CIC: variants seen among roughly 807,000 people sequenced by gnomAD.
CIC encodes the protein capicua transcriptional repressor.
In CIC, 18 loss-of-function variants were observed where a neutral mutation model predicts 115.7. The observed-to-expected ratio is 0.16, with a 90% CI of 0.11 to 0.23. CIC has a LOEUF of 0.23. CIC is among the 10% of genes least tolerant of loss of function. The pLI is 1.00. For missense variants in CIC, 2,000 were observed against 2,159.3 expected (o/e 0.93, Z 1.46); for synonymous variants, 1,076 against 923.0 (o/e 1.17, Z -3.01).
In CIC at chr19:42,291,687, CACTGGTGAGCCCGCCCTTCTCAGT is replaced by C. The variant is rs1364922642; in HGVS notation, c.5558_5581del (p.Leu1853_Val1860del). ...GGTGGAGGGGCCGGCCAGCCACTGC[CACTGGTGAGCCCGCCCTTCTCAGT>C]ACCTGTGCAGAATGGTGCCCAGCCC... is the stretch of plus-strand genomic sequence containing the variant. On this transcript the variant is annotated inframe_deletion, in exon 12 of 21. Transcript: ENST00000681038. The C allele has an allele frequency of 6.2e-7, 1 of 1,612,950 alleles. No homozygotes were observed. Among genetic ancestry groups the C allele is most frequent in the Non-Finnish European group, 8.5e-7 (1 of 1,180,022 alleles).
chr19:42,277,534 A>G (rs2037031562), intron 2 of CIC, among the ~76,000 whole-genome samples: 1 of 152,200 alleles, frequency 6.6e-6, no homozygotes, highest in Non-Finnish European at 1.5e-5. Flanking sequence ...CGAGCTGTCA[A>G]GAGCCAGGAT....
At position 42,286,800 on chromosome 19, in the gene CIC, G is replaced by A. The variant is rs1347286374; in HGVS notation, c.2824G>A (p.Ala942Thr). Residue 942 changes from alanine (A) to threonine (T), a missense_variant, in exon 3 of 21, where the codon GCT (alanine) becomes ACT (threonine). This residue lies in a region of CIC where 222 missense variants were observed against 247.7 expected (regional missense o/e 0.90). Transcript: ENST00000681038. ...GACGAATGTGGAACCTCGCTCTGTGGCTGTGTTCCCTTGGCACTCCTTAGT... is the reference window on the plus strand; with the variant it reads ...GACGAATGTGGAACCTCGCTCTGTGACTGTGTTCCCTTGGCACTCCTTAGT... ...VWTNVEPRSV[A>T]VFPWHSLVPF... 1.2e-6 allele frequency: 2 copies of A among 1,614,014 alleles called. No homozygotes were observed. Among genetic ancestry groups the A allele is most frequent in the Non-Finnish European group, 1.7e-6 (2 of 1,179,992 alleles).
At position 42,292,117 on chromosome 19, in the gene CIC, C is replaced by A. The variant is rs543847978; in HGVS notation, c.5645C>A (p.Thr1882Lys). Residue 1882 changes from threonine to lysine, a missense_variant, in exon 13 of 21, where the codon ACA (threonine) becomes AAA (lysine). By Grantham distance (78) the Thr-to-Lys change is moderately conservative. Transcript: ENST00000681038. ...CAGCTGACCCCGGTGCCTGTGAGCA[C>A]ACCCAGCGGCCTGGTGCCGCCCCTG... ...IIQLTPVPVS[T>K]PSGLVPPLSP... 85 of 1,614,002 alleles carry A rather than the reference C, an allele frequency of 5.3e-5. 2 individuals are homozygous for A. The East Asian group carries it at 1.1e-3, about 20-fold the overall frequency.
intron 9 of CIC, 111 bp from the exon 10 acceptor site, chr19:42,289,737 A>G (rs538961471): frequency 1.0e-6 from 1 of 980,802 alleles, no homozygotes; most frequent in Admixed American, 2.0e-5. Context: ...GCCTTCCTGG[A>G]CAGCACTCCC....
At position 42,270,797 on chromosome 19, in the gene CIC, G is replaced by A. The variant is rs2036755156; in HGVS notation, c.-10-977G>A. On this transcript the variant is annotated intron_variant, in intron 1 of 20. Coordinates refer to ENST00000681038, the MANE Select transcript of CIC (RefSeq NM_001386298.1). This position sits in a 1 kb window ranked among gnomAD's most constrained non-coding sequence, Gnocchi z 4.1. ...CAGTGGGACAGAGAAACCCTGGGGTGTAGCTCTGTGTCCCACTGTGTGATG... is the reference window on the plus strand; with the variant it reads ...CAGTGGGACAGAGAAACCCTGGGGTATAGCTCTGTGTCCCACTGTGTGATG... Among the ~76,000 whole-genome samples the A allele has an allele frequency of 6.6e-6, 1 of 152,194 alleles. No homozygotes were observed. The highest frequency in any genetic ancestry group is 1.9e-4 in the East Asian group (1 of 5,200).
At chr19:42,278,923 T>G (rs1260019394) in intron 2 of CIC, among the ~76,000 whole-genome samples, 1 of 152,222 alleles carries the variant, frequency 6.6e-6, no homozygotes, top group African/African-American at 2.4e-5. Flanking sequence ...AAGCGGGGGC[T>G]GTATGGACCA....
At position 42,291,120 on chromosome 19, in the gene CIC, G is replaced by T; in HGVS notation, c.5079G>T (p.Gly1693=). 6.2e-7 allele frequency: 1 copy of T among 1,609,638 alleles called. No homozygotes were observed. The highest frequency in any genetic ancestry group is 8.5e-7 in the Non-Finnish European group (1 of 1,176,962). The change falls in exon 11 of 21, where the codon GGG becomes GGT. Residue 1693 remains glycine, a synonymous_variant. Coordinates refer to ENST00000681038, the MANE Select transcript of CIC (RefSeq NM_001386298.1). ...CTGCTGTCCAGTTCATTGCCCAGGG[G>T]GCCCCTGGTGGTGGGACCACTGCGG... ...APPAVQFIAQ[G]APGGGTTAGS... is the part of the protein sequence containing the mutation.
intron 2 of CIC, among the ~76,000 whole-genome samples, chr19:42,275,444 A>AG (rs2036938318): frequency 6.6e-6 from 1 of 152,142 alleles, no homozygotes; most frequent in African/African-American, 2.4e-5. Flanking sequence ...GCCTCCTGGG[A>AG]GGAGGGCGAT....
intron 7 of CIC, 138 bp from the exon 8 acceptor site, chr19:42,288,750 T>G (rs1404521089): frequency 4.1e-4 from 230 of 567,806 alleles, no homozygotes; most frequent in Admixed American, 1.8e-4. Flanking sequence ...TGGGTGGTGG[T>G]TTTTTTTTTT....
Position 42,291,553 on chromosome 19 carries a change from TC to T in CIC, c.5426-3del, listed in dbSNP as rs2038105790. 4.3e-6 allele frequency: 7 copies of T among 1,613,066 alleles called. No homozygotes were observed. The highest frequency in any genetic ancestry group is 5.9e-6 in the Non-Finnish European group (7 of 1,180,002). On this transcript the variant is annotated splice_region_variant and splice_polypyrimidine_tract_variant and intron_variant, in intron 11 of 20. Coordinates refer to ENST00000681038, the MANE Select transcript of CIC (RefSeq NM_001386298.1). The stretch of plus-strand genomic sequence containing the variant: ...CCTTTTCCTTTCTTGCCTCTTAACT[TC>T]CAGCCCAGTCAGTTTCTCCCGTGCA...
intron 2 of CIC, among the ~76,000 whole-genome samples, chr19:42,275,948 C>A (rs753557405): frequency 6.6e-6 from 1 of 152,178 alleles, no homozygotes; most frequent in South Asian, 2.1e-4. Context: ...AAAAGACAGA[C>A]CCCTCCCTAG....
chr19:42,291,766 C>T (rs1770115352), intron 12 of CIC, 21 bp downstream of exon 12: 5 of 1,612,736 alleles, frequency 3.1e-6, no homozygotes, highest in Non-Finnish European at 3.4e-6. Context: ...GCCTTTCTCT[C>T]TACCTGCTGG....
rs1480586817 is a variant in CIC at position 42,274,082 on chromosome 19, G to C, written c.2299G>C (p.Val767Leu). 1.0e-5 allele frequency: 4 copies of C among 399,802 alleles called. No individual in the cohort carries two copies. In the East Asian group the frequency reaches 1.4e-4, roughly 14 times the overall value. 24.8% of individuals were successfully genotyped at this position (399,802 alleles called of 1,614,324 possible). A position where few individuals can be genotyped will look rare whatever the true frequency, so the allele number is the denominator to read the frequency against. ...TPSTPAGFRAVSPAVPFSRSR... is the reference protein window; with the variant it reads ...TPSTPAGFRALSPAVPFSRSR... ...CTCCACGCCGGCTGGCTTCCGGGCC[G>C]TGTCCCCTGCTGTGCCCTTCTCTCG... The change falls in exon 2 of 21, where the codon GTG becomes CTG. Residue 767 changes from valine (V) to leucine (L), a missense_variant. Physicochemically the swap from Val to Leu is conservative, Grantham distance 32. Coordinates refer to ENST00000681038, the MANE Select transcript of CIC (RefSeq NM_001386298.1).
In CIC at chr19:42,291,070, C is replaced by G. The variant is rs1449714309; in HGVS notation, c.5029C>G (p.Pro1677Ala). The G allele has an allele frequency of 2.5e-6, 4 of 1,613,782 alleles. No homozygotes were observed. In the African/African-American group the frequency reaches 4.0e-5, roughly 16 times the overall value. ...ATVTNLLVGTPGYGAPAPPAV... is the reference protein window; with the variant it reads ...ATVTNLLVGTAGYGAPAPPAV... Reference sequence around the variant, plus strand: ...TGTCACTAACCTACTGGTGGGCACCCCGGGGTATGGGGCCCCTGCGCCCCC... The same window carrying G: ...TGTCACTAACCTACTGGTGGGCACCGCGGGGTATGGGGCCCCTGCGCCCCC... Residue 1677 changes from proline (P) to alanine (A), a missense_variant, in exon 11 of 21, where the codon CCG becomes GCG. This residue lies in a region of CIC where 1,466 missense variants were observed against 1,390.4 expected (regional missense o/e 1.05). Transcript: ENST00000681038.
chr19:42,290,127 C>T, intron 10 of CIC, 106 bp from the exon 11 acceptor site: 2 of 1,536,750 alleles, frequency 1.3e-6, no homozygotes, highest in African/African-American at 1.4e-5. Flanking sequence ...GGCAGGGGTG[C>T]AGCCCTAGGC....
Position 42,290,665 on chromosome 19 carries a change from C to G in CIC, c.4624C>G (p.Leu1542Val). 6.2e-7 allele frequency: 1 copy of G among 1,613,422 alleles called. No individual in the cohort carries two copies. Among genetic ancestry groups the G allele is most frequent in the Non-Finnish European group, 8.5e-7 (1 of 1,179,946 alleles). ...AGGAAACATCCTGCAGACACTGGTG[C>G]TGCCCCCAAACAAGGAGGAGCAAGA... is the stretch of plus-strand genomic sequence containing the variant. ...GGGNILQTLVLPPNKEEQEGG... is the reference protein window; with the variant it reads ...GGGNILQTLVVPPNKEEQEGG... The change falls in exon 11 of 21, where the codon CTG (leucine) becomes GTG (valine). Residue 1542 changes from leucine to valine, a missense_variant. Physicochemically the swap from Leu to Val is conservative, Grantham distance 32. Transcript: ENST00000681038.
At chr19:42,289,772 T>G in intron 9 of CIC, 76 bp from the exon 10 acceptor site, 1 of 1,264,584 alleles carries the variant, frequency 7.9e-7, no homozygotes, top group South Asian at 1.3e-5. Flanking sequence ...AGAGCTGAGA[T>G]CCAGGCTCCA....
At chr19:42,283,513 G>A (rs1263321011) in intron 2 of CIC, among the ~76,000 whole-genome samples, 5 of 152,114 alleles carry the variant, frequency 3.3e-5, no homozygotes, top group Non-Finnish European at 7.4e-5. Flanking sequence ...CGTGGGGTGT[G>A]TAGGAGATAA....
chr19:42,290,670 C>T lies in CIC; in HGVS notation c.4629C>T (p.Pro1543=). ...GGNILQTLVL[P]PNKEEQEGGG... The stretch of plus-strand genomic sequence containing the variant: ...ACATCCTGCAGACACTGGTGCTGCC[C>T]CCAAACAAGGAGGAGCAAGAGGGCG... The change falls in exon 11 of 21, where the codon CCC becomes CCT. Residue 1543 remains proline, a synonymous_variant. Coordinates refer to ENST00000681038, the MANE Select transcript of CIC (RefSeq NM_001386298.1). The T allele has an allele frequency of 6.2e-7, 1 of 1,613,318 alleles. No individual in the cohort carries two copies. The highest frequency in any genetic ancestry group is 8.5e-7 in the Non-Finnish European group (1 of 1,179,916).
Sources: gnomAD v4.1 joint callset for allele counts (sites outside exome capture counted in the v4.1 genomes callset) on GRCh38, gnomAD v4.1.1 for gene constraint, gnomAD v4.1.1 regional missense constraint, Gnocchi (gnomAD v3.1) non-coding constraint, MANE v1.5 for transcripts, NCBI Gene and HGNC (gene_info 2026-07-23, HGNC 2026-07-21) for gene names.